Variants in PIEZO2 observed in about 807,000 individuals in gnomAD.
The protein encoded by PIEZO2 is piezo-type mechanosensitive ion channel component 2.
In PIEZO2, 172 loss-of-function variants were observed where a neutral mutation model predicts 337.3. The observed-to-expected ratio is 0.51, with a 90% CI of 0.45 to 0.58. The LOEUF (loss-of-function observed/expected upper bound fraction) is 0.58, where lower values mean the gene tolerates loss of function less well. PIEZO2 is among the 20% of genes least tolerant of loss of function. The probability of loss-of-function intolerance (pLI) is 0.00; values close to 1 mark genes in which losing one functional copy is unlikely to be tolerated. For synonymous variants in PIEZO2, 1,251 were observed against 1,228.5 expected, an observed-to-expected ratio of 1.02 and a Z score of -0.38; for missense variants, 3,028 against 3,391.3, an observed-to-expected ratio of 0.89 and a Z score of 2.66.
intron 5 of PIEZO2, among the ~76,000 whole-genome samples, chr18:10,860,255 C>A (rs2041838932): frequency 6.6e-6 from 1 of 152,170 alleles, no homozygotes; most frequent in Non-Finnish European, 1.5e-5. Flanking sequence ...AGAGATGGCC[C>A]TCCTCGAGGT....
At chr18:10,963,056 G>A (rs1368051420) in intron 3 of PIEZO2, among the ~76,000 whole-genome samples, 1 of 152,106 alleles carries the variant, frequency 6.6e-6, no homozygotes, top group East Asian at 1.9e-4. Context: ...GGAGCCTGAG[G>A]TGGGTGGATC....
intron 7 of PIEZO2, among the ~76,000 whole-genome samples, chr18:10,842,575 C>G (rs1234519451): frequency 6.6e-6 from 1 of 152,228 alleles, no homozygotes; most frequent in Admixed American, 6.5e-5. Flanking sequence ...TGAGTGGAAG[C>G]AGCCTGAGGC....
chr18:11,029,918 C>G (rs2036671258), intron 2 of PIEZO2, among the ~76,000 whole-genome samples: 1 of 152,182 alleles, frequency 6.6e-6, no homozygotes, highest in Non-Finnish European at 1.5e-5. Flanking sequence ...TTTTTATCTT[C>G]TGCGTTCCCC....
At chr18:10,880,753 A>G (rs941966885) in intron 4 of PIEZO2, among the ~76,000 whole-genome samples, 22 of 150,484 alleles carry the variant, frequency 1.5e-4, no homozygotes, top group African/African-American at 5.1e-4. Context: ...GTCTTTAGTC[A>G]CTTGGCTTCA....
chr18:10,677,013 C>T lies in PIEZO2; in HGVS notation c.8081+734G>A, dbSNP rs1008874303. ...TGCCAGAGCTCCCACACCTCCAAAT[C>T]GCATGAGAATCAGCATGATGATTTC... is the stretch of plus-strand genomic sequence containing the variant. On this transcript the variant is annotated intron_variant, in intron 53 of 55. Transcript: ENST00000674853. This position sits in a 1 kb window ranked among gnomAD's most constrained non-coding sequence, Gnocchi z 4.1. 1.3e-5 allele frequency among the ~76,000 whole-genome samples: 2 copies of T among 152,152 alleles called. No individual in the cohort carries two copies. The highest frequency in any genetic ancestry group is 2.9e-5 in the Non-Finnish European group (2 of 68,028).
chr18:10,700,481 T>C (rs1420346405), intron 43 of PIEZO2, among the ~76,000 whole-genome samples: 5 of 151,896 alleles, frequency 3.3e-5, no homozygotes, highest in Non-Finnish European at 7.4e-5. Context: ...ATATTTGAAA[T>C]TTTCAAAAAA....
chr18:10,778,735 T>A (rs1402811413), intron 18 of PIEZO2, among the ~76,000 whole-genome samples: 1 of 152,188 alleles, frequency 6.6e-6, no homozygotes, highest in East Asian at 1.9e-4. Flanking sequence ...TGGGGTGACT[T>A]TGAACTTTGA....
At chr18:10,758,204 C>A in intron 26 of PIEZO2, 70 bp from the exon 27 acceptor site, 1 of 1,440,756 alleles carries the variant, frequency 6.9e-7, no homozygotes, top group Non-Finnish European at 9.3e-7. Flanking sequence ...AACACACAGT[C>A]ATCACACAGC....
At chr18:10,936,410 C>T (rs979315887) in intron 3 of PIEZO2, among the ~76,000 whole-genome samples, 4 of 152,004 alleles carry the variant, frequency 2.6e-5, no homozygotes, top group African/African-American at 9.7e-5. Flanking sequence ...CATACTCCTC[C>T]GAAAATTTTT....
At position 11,038,295 on chromosome 18, in the gene PIEZO2, C is replaced by G. The variant is rs953886811; in HGVS notation, c.160+27832G>C. Among the ~76,000 whole-genome samples the G allele has an allele frequency of 2.0e-5, 3 of 152,022 alleles. No homozygotes were observed. The highest frequency in any genetic ancestry group is 1.9e-4 in the East Asian group (1 of 5,194). ...AATGTAAATTGCTTGCAAGAAAAAG[C>G]CACAAATCTTTAAACTGCTTAGCTG... On this transcript the variant is annotated intron_variant, in intron 2 of 55. Transcript: ENST00000674853. This position sits in a 1 kb window ranked among gnomAD's most constrained non-coding sequence, Gnocchi z 4.1.
intron 1 of PIEZO2, among the ~76,000 whole-genome samples, chr18:11,079,676 C>T (rs1005987753): frequency 2.0e-5 from 3 of 152,198 alleles, no homozygotes; most frequent in African/African-American, 7.2e-5. Flanking sequence ...TGTTTCTTTG[C>T]CAACCTGGAA....
chr18:10,993,825 C>A lies in PIEZO2; in HGVS notation c.161-14165G>T, dbSNP rs2035201741. On this transcript the variant is annotated intron_variant, in intron 2 of 55. Coordinates refer to ENST00000674853, the MANE Select transcript of PIEZO2 (RefSeq NM_001378183.1). The surrounding 1 kb of genome is among the most constrained non-coding windows in gnomAD (Gnocchi z 5.0). ...TACAGGCGTGAGCCACCGCTCCTGG[C>A]CATGTCTCTGCTTTTTTTTTATTAT... Among the ~76,000 whole-genome samples, 1 of 152,120 alleles carries A rather than the reference C, an allele frequency of 6.6e-6. No individual in the cohort carries two copies. The highest frequency in any genetic ancestry group is 2.1e-4 in the South Asian group (1 of 4,830).
rs1297818389 is a variant in PIEZO2, at chr18:11,129,290, C to T, written c.64+19235G>A. On this transcript the variant is annotated intron_variant, in intron 1 of 55. Coordinates refer to ENST00000674853, the MANE Select transcript of PIEZO2 (RefSeq NM_001378183.1). The surrounding 1 kb of genome is among the most constrained non-coding windows in gnomAD (Gnocchi z 4.6). ...AAATACAATGAGAATAATTGGATCC[C>T]GAGGTGGCAGGGACCAAGTGGCAGC... 2.0e-5 allele frequency among the ~76,000 whole-genome samples: 3 copies of T among 152,134 alleles called. No individual in the cohort carries two copies. The highest frequency in any genetic ancestry group is 4.8e-5 in the African/African-American group (2 of 41,416).
At chr18:10,718,508 T>C (rs912316423) in intron 36 of PIEZO2, among the ~76,000 whole-genome samples, 1 of 152,228 alleles carries the variant, frequency 6.6e-6, no homozygotes, top group Admixed American at 6.5e-5. Context: ...ACTCGTGGGC[T>C]GACTGTTGCC....
rs769284512 is a variant in PIEZO2, at chr18:10,726,362, C to G, written c.5029+5045G>C. On this transcript the variant is annotated intron_variant, in intron 36 of 55. Coordinates refer to ENST00000674853, the MANE Select transcript of PIEZO2 (RefSeq NM_001378183.1). This position sits in a 1 kb window ranked among gnomAD's most constrained non-coding sequence, Gnocchi z 5.9. ...CAGCGCTGCCTCCCTTCGCCTTCCC[C>G]GCAGGCACCCACTACCTGCGGGGCG... 5.3e-6 allele frequency: 8 copies of G among 1,510,962 alleles called. No homozygotes were observed. The highest frequency in any genetic ancestry group is 4.9e-5 in the East Asian group (2 of 40,556). The allele number at this position is 1,510,962 out of a possible 1,614,324, so 93.6% of individuals were successfully genotyped here. A position where few individuals can be genotyped will look rare whatever the true frequency, so the allele number is the denominator to read the frequency against.
At chr18:11,090,165 C>G (rs1049946282) in intron 1 of PIEZO2, among the ~76,000 whole-genome samples, 6 of 152,172 alleles carry the variant, frequency 3.9e-5, no homozygotes, top group African/African-American at 7.2e-5. Flanking sequence ...CACAGAGCAT[C>G]TGTAACTGTA....
intron 36 of PIEZO2, among the ~76,000 whole-genome samples, chr18:10,722,776 G>A (rs532933599): frequency 2.0e-5 from 3 of 152,252 alleles, no homozygotes; most frequent in African/African-American, 7.2e-5. Context: ...AAAACCACGA[G>A]AGTGGATGAG....
intron 3 of PIEZO2, among the ~76,000 whole-genome samples, chr18:10,911,480 C>T (rs977425988): frequency 6.7e-6 from 1 of 149,954 alleles, no homozygotes; most frequent in African/African-American, 2.5e-5. Flanking sequence ...TGTGGCCAGC[C>T]GCAATGGCTA....
At chr18:11,072,020 T>C (rs2038358757) in intron 1 of PIEZO2, among the ~76,000 whole-genome samples, 1 of 150,568 alleles carries the variant, frequency 6.6e-6, no homozygotes, top group Non-Finnish European at 1.5e-5. Context: ...GGCATCTTCC[T>C]GCACAGCTCA....
Sources: gnomAD v4.1 joint callset for allele counts (sites outside exome capture counted in the v4.1 genomes callset) on GRCh38, gnomAD v4.1.1 for gene constraint, Gnocchi (gnomAD v3.1) non-coding constraint, MANE v1.5 for transcripts, NCBI Gene and HGNC (gene_info 2026-07-23, HGNC 2026-07-21) for gene names.